The following BPTF variants were observed in gnomAD, a reference collection of about 807,000 sequenced individuals.
BPTF encodes nucleosome-remodeling factor subunit BPTF.
In BPTF, 18 loss-of-function variants were observed where a neutral mutation model predicts 292.5. That is an observed-to-expected ratio of 0.06 (90% CI 0.04 to 0.09). The LOEUF (loss-of-function observed/expected upper bound fraction) is 0.09, where lower values mean the gene tolerates loss of function less well. BPTF is among the 10% of genes least tolerant of loss of function. The probability of loss-of-function intolerance (pLI) is 1.00; values close to 1 mark genes in which losing one functional copy is unlikely to be tolerated. For synonymous variants in BPTF, 1,225 were observed against 1,251.9 expected (o/e 0.98, Z 0.45); for missense variants, 2,726 against 3,498.7 (o/e 0.78, Z 5.57).
rs199988178 is a variant in BPTF at position 67,874,969 on chromosome 17, G to C, written c.1813G>C (p.Asp605His). The C allele has an allele frequency of 6.2e-7, 1 of 1,613,824 alleles. No individual in the cohort carries two copies. Among genetic ancestry groups the C allele is most frequent in the East Asian group, 2.2e-5 (1 of 44,802 alleles). Residue 605 changes from aspartate to histidine, a missense_variant, in exon 4 of 28, where the codon GAC becomes CAC. Asp to His is a moderately conservative substitution (Grantham distance 81). Transcript: ENST00000306378. Reference protein sequence around the residue: ...EEFEDQSLEKDSDDKTPDDDP... With the variant: ...EEFEDQSLEKHSDDKTPDDDP... ...ATTTGAAGACCAGTCCCTTGAAAAA[G>C]ACAGTGACGACAAAACACCAGATGA...
Position 67,948,319 on chromosome 17 carries a change from A to T in BPTF, c.7926+13A>T. 1.2e-6 allele frequency: 2 copies of T among 1,600,472 alleles called. No individual in the cohort carries two copies. Among genetic ancestry groups the T allele is most frequent in the Non-Finnish European group, 1.7e-6 (2 of 1,172,154 alleles). On this transcript the variant is annotated intron_variant, in intron 23 of 27. Coordinates refer to ENST00000306378, the MANE Select transcript of BPTF (RefSeq NM_182641.4). ...AATTGAAGTGCAGGTAAGAGGGCACATCCTTTTCTTCTGTGTCCAGTGTTT... is the reference window on the plus strand; with the variant it reads ...AATTGAAGTGCAGGTAAGAGGGCACTTCCTTTTCTTCTGTGTCCAGTGTTT...
chr17:67,972,962 AT>A (rs1210819650), intron 26 of BPTF, among the ~76,000 whole-genome samples: 7 of 149,602 alleles, frequency 4.7e-5, no homozygotes, highest in East Asian at 1.9e-4. Context: ...ACATTTACAC[AT>A]TTTTTTTCTT....
In BPTF at chr17:67,931,897, T is replaced by G; in HGVS notation, c.6151-14T>G. On this transcript the variant is annotated splice_polypyrimidine_tract_variant and intron_variant, in intron 17 of 27. Transcript: ENST00000306378. ...TAAAGCATTTTAATTCATTGTTCTT[T>G]GTGTCATTTATAGGTAATCACAGGG... The G allele has an allele frequency of 6.3e-7, 1 of 1,586,234 alleles. No homozygotes were observed. Among genetic ancestry groups the G allele is most frequent in the Non-Finnish European group, 8.6e-7 (1 of 1,157,834 alleles).
At chr17:67,833,776 C>G (rs1483401143) in intron 1 of BPTF, among the ~76,000 whole-genome samples, 1 of 151,882 alleles carries the variant, frequency 6.6e-6, no homozygotes, top group African/African-American at 2.4e-5. Flanking sequence ...CCATGTTGGC[C>G]TTGCTTGTCT....
chr17:67,858,177 A>G (rs537359527), intron 2 of BPTF, among the ~76,000 whole-genome samples: 55 of 152,360 alleles, frequency 3.6e-4, no homozygotes, highest in Middle Eastern at 3.4e-3. Flanking sequence ...GTGAGAAACA[A>G]TACTTAAGGT....
intron 9 of BPTF, among the ~76,000 whole-genome samples, chr17:67,905,744 T>G (rs1223472443): frequency 2.0e-5 from 3 of 151,962 alleles, no homozygotes; most frequent in Non-Finnish European, 4.4e-5. Context: ...ACTAATTCAC[T>G]GAGGAGTCAT....
chr17:67,829,674 G>A (rs2056481456), intron 1 of BPTF, among the ~76,000 whole-genome samples: 1 of 152,162 alleles, frequency 6.6e-6, no homozygotes, highest in Non-Finnish European at 1.5e-5. Context: ...TAAGATATCC[G>A]AATAACACAT....
At chr17:67,899,830 A>G (rs1290514568) in intron 7 of BPTF, among the ~76,000 whole-genome samples, 1 of 151,996 alleles carries the variant, frequency 6.6e-6, no homozygotes, top group East Asian at 1.9e-4. Context: ...CGCCCGGCCT[A>G]TGCTGAGTTT....
intron 2 of BPTF, among the ~76,000 whole-genome samples, chr17:67,857,257 G>A (rs2058751974): frequency 6.7e-6 from 1 of 149,872 alleles, no homozygotes; most frequent in African/African-American, 2.5e-5. Flanking sequence ...CGCCTCCCGG[G>A]TTCACACCAT....
At position 67,874,831 on chromosome 17, in the gene BPTF, T is replaced by G. The variant is rs756247991; in HGVS notation, c.1675T>G (p.Ser559Ala). Residue 559 changes from serine (S) to alanine (A), a missense_variant, in exon 4 of 28, where the codon TCC (serine) becomes GCC (alanine). Ser to Ala is a moderately conservative substitution (Grantham distance 99, BLOSUM62 1). Transcript: ENST00000306378. ...ACACATTATAGAAGAAATTTTGGAATCCATAAGAGCCAAAAAGGGAGACAT... is the reference window on the plus strand; with the variant it reads ...ACACATTATAGAAGAAATTTTGGAAGCCATAAGAGCCAAAAAGGGAGACAT... ...LAAANEEILE[S>A]IRAKKGDIDN... 1 of 1,608,640 alleles carries G rather than the reference T, an allele frequency of 6.2e-7. No homozygotes were observed. Among genetic ancestry groups the G allele is most frequent in the Admixed American group, 1.7e-5 (1 of 58,660 alleles).
chr17:67,945,289 A>G, intron 20 of BPTF, 120 bp from the exon 21 acceptor site: 3 of 1,492,490 alleles, frequency 2.0e-6, no homozygotes, highest in Non-Finnish European at 1.8e-6. Context: ...CAAGGTGCAC[A>G]GGTGTGAGCC....
At chr17:67,900,340 A>G (rs1004513399) in intron 7 of BPTF, among the ~76,000 whole-genome samples, 30 of 151,820 alleles carry the variant, frequency 2.0e-4, no homozygotes, top group African/African-American at 7.3e-4. Flanking sequence ...CCTGTGCTCA[A>G]GTGATCCACC....
intron 27 of BPTF, chr17:67,981,588 CGTG>C: frequency 9.6e-7 from 1 of 1,044,812 alleles, no homozygotes. Context: ...AAAGATGTAT[CGTG>C]GTAAAAAATT....
rs369583786 is a variant in BPTF, at chr17:67,940,461, T to A, written c.6282T>A (p.Thr2094=). 144 of 1,613,984 alleles carry A rather than the reference T, an allele frequency of 8.9e-5. No individual in the cohort carries two copies. Among genetic ancestry groups the A allele is most frequent in the Middle Eastern group, 8.2e-4 (5 of 6,084 alleles). Residue 2094 remains threonine, a synonymous_variant, in exon 19 of 28, where the codon ACT becomes ACA. Coordinates refer to ENST00000306378, the MANE Select transcript of BPTF (RefSeq NM_182641.4). ...TAGGTGCTCCTCAGCAAGTGATGAC[T>A]CAAATCATCAGGGGGCAGCCTGTCT... ...VQPGAPQQVM[T]QIIRGQPVST...
chr17:67,951,201 C>T (rs1555678377), intron 23 of BPTF: 1 of 152,200 alleles, frequency 6.6e-6, no homozygotes, highest in African/African-American at 2.4e-5. Context: ...GCCTCTCTCT[C>T]TCTCTCTTTT....
intron 24 of BPTF, among the ~76,000 whole-genome samples, chr17:67,963,685 T>G (rs1555685219): frequency 6.6e-6 from 1 of 152,230 alleles, no homozygotes; most frequent in Non-Finnish European, 1.5e-5. Flanking sequence ...AAATTTATCT[T>G]GCTTCATAGT....
intron 14 of BPTF, among the ~76,000 whole-genome samples, chr17:67,923,334 A>G (rs536133681): frequency 5.3e-5 from 8 of 152,040 alleles, no homozygotes; most frequent in African/African-American, 1.9e-4. Flanking sequence ...CTGGGATTAC[A>G]GGCATGAGCT....
At chr17:67,873,875 A>G (rs772176905) in intron 3 of BPTF, among the ~76,000 whole-genome samples, 2 of 152,166 alleles carry the variant, frequency 1.3e-5, no homozygotes, top group Non-Finnish European at 1.5e-5. Context: ...TCATTCTCCA[A>G]TTTGTTCTTC....
chr17:67,949,535 A>G (rs940640720), intron 23 of BPTF, among the ~76,000 whole-genome samples: 4 of 151,806 alleles, frequency 2.6e-5, no homozygotes, highest in Non-Finnish European at 5.9e-5. Context: ...AGATCACACC[A>G]CTACACTCTA....
Sources: allele counts gnomAD v4.1 joint callset (sites outside exome capture counted in the v4.1 genomes callset), GRCh38; gene constraint gnomAD v4.1.1; transcripts MANE v1.5; gene names NCBI Gene and HGNC (gene_info 2026-07-23, HGNC 2026-07-21).